CSMD2: variants seen among roughly 807,000 people sequenced by gnomAD.
CSMD2 encodes CUB and Sushi multiple domains 2.
CSMD2 carries 130 observed loss-of-function variants against 398.5 expected under a neutral mutation model. That is an observed-to-expected ratio of 0.33 (90% CI 0.28 to 0.38). CSMD2 has a LOEUF of 0.38. Ranked by LOEUF, CSMD2 falls within the 10% of genes least tolerant of loss-of-function variation. CSMD2 has a pLI of 1.00. For synonymous variants in CSMD2, 1,828 were observed against 1,908.5 expected, an observed-to-expected ratio of 0.96 and a Z score of 1.10; for missense variants, 3,829 against 4,764.9, an observed-to-expected ratio of 0.80 and a Z score of 5.78.
At chr1:33,517,931 C>T (rs1653910115) in intron 70 of CSMD2, among the ~76,000 whole-genome samples, 2 of 152,260 alleles carry the variant, frequency 1.3e-5, no homozygotes, top group African/African-American at 4.8e-5. Flanking sequence ...CTGTTGGTGG[C>T]CTTTGCAGGC....
At chr1:33,924,484 T>C (rs1644056256) in intron 4 of CSMD2, among the ~76,000 whole-genome samples, 1 of 152,222 alleles carries the variant, frequency 6.6e-6, no homozygotes, top group South Asian at 2.1e-4. Flanking sequence ...CTGTTATGAA[T>C]TGTGTTTCAG....
rs557306875 is a variant in CSMD2, at chr1:34,093,666, A to G, written c.188-4473T>C. ...TGGAAGAAAGGGTATCAGCAATGGA[A>G]GATGAAATGAATGAAATGAAGTGAG... On this transcript the variant is annotated intron_variant, in intron 1 of 70. Transcript: ENST00000373381. Among the ~76,000 whole-genome samples the G allele has an allele frequency of 5.9e-3, 895 of 152,010 alleles. 14 individuals are homozygous for G. The highest frequency in any genetic ancestry group is 0.021 in the African/African-American group (856 of 41,466).
intron 6 of CSMD2, among the ~76,000 whole-genome samples, chr1:33,831,765 C>G: frequency 6.6e-6 from 1 of 151,814 alleles, no homozygotes; most frequent in Non-Finnish European, 1.5e-5. Context: ...TTCAGGAAAC[C>G]CATCTCACGT....
chr1:34,070,416 G>T (rs1473213606), intron 2 of CSMD2, among the ~76,000 whole-genome samples: 1 of 152,196 alleles, frequency 6.6e-6, no homozygotes, highest in Non-Finnish European at 1.5e-5. Flanking sequence ...GAGGGCACTG[G>T]CTCAGAGCAG....
At chr1:33,915,287 A>C (rs941218455) in intron 5 of CSMD2, among the ~76,000 whole-genome samples, 9 of 152,218 alleles carry the variant, frequency 5.9e-5, no homozygotes, top group African/African-American at 2.2e-4. Flanking sequence ...CAGCAGCATC[A>C]AATTTTTACA....
chr1:33,601,072 G>A lies in CSMD2; in HGVS notation c.6711-62C>T, dbSNP rs562867584. On this transcript the variant is annotated intron_variant, in intron 43 of 70. Transcript: ENST00000373381. ...TCACCATGGCTGCCTGCTCCACTTG[G>A]TGCCATCAGTGGCCTTAAGACAGAC... 7 of 1,604,032 alleles carry A rather than the reference G, an allele frequency of 4.4e-6. No individual in the cohort carries two copies. In the African/African-American group the frequency reaches 8.0e-5, roughly 18 times the overall value.
chr1:34,032,175 T>A (rs572358865), intron 3 of CSMD2, among the ~76,000 whole-genome samples: 1 of 152,310 alleles, frequency 6.6e-6, no homozygotes, highest in South Asian at 2.1e-4. Context: ...TAAAACTGAC[T>A]CTTGGCAGTC....
chr1:34,039,900 C>T (rs1251148489), intron 2 of CSMD2, among the ~76,000 whole-genome samples: 1 of 152,300 alleles, frequency 6.6e-6, no homozygotes, highest in African/African-American at 2.4e-5. Context: ...CACCTGTAAT[C>T]CCAGCACTTT....
chr1:33,777,816 A>G (rs1437358675), intron 12 of CSMD2, among the ~76,000 whole-genome samples: 1 of 152,114 alleles, frequency 6.6e-6, no homozygotes, highest in Non-Finnish European at 1.5e-5. Context: ...ATCTGTGATC[A>G]ATCTCACTCT....
Position 34,003,835 on chromosome 1 carries a change from G to A in CSMD2, c.517+28759C>T, listed in dbSNP as rs75672312. 9.5e-3 allele frequency among the ~76,000 whole-genome samples: 1,454 copies of A among 152,326 alleles called. 21 individuals carry two copies. The highest frequency in any genetic ancestry group is 0.033 in the African/African-American group (1,391 of 41,584). ...TGGTAAAAGTCAAGTCTCAGATTGA[G>A]CTTTAGATGGAAGAAGTCTTGGTCC... On this transcript the variant is annotated intron_variant, in intron 3 of 70. Transcript: ENST00000373381.
chr1:33,557,617 G>GACACACACACACAC (rs10579079), intron 55 of CSMD2, 117 bp downstream of exon 55: 34 of 661,354 alleles, frequency 5.1e-5, no homozygotes, highest in African/African-American at 2.6e-4. Context: ...TACATGTGCA[G>GACACACACACACAC]ACACACACAC....
intron 49 of CSMD2, among the ~76,000 whole-genome samples, chr1:33,575,547 T>C (rs1659993347): frequency 6.6e-6 from 1 of 151,820 alleles, no homozygotes; most frequent in Admixed American, 6.6e-5. Context: ...AGGGCATCAG[T>C]GGGAGGCAAG....
chr1:33,904,295 AG>A (rs1642941053), intron 5 of CSMD2, among the ~76,000 whole-genome samples: 1 of 152,202 alleles, frequency 6.6e-6, no homozygotes, highest in Non-Finnish European at 1.5e-5. Context: ...CAGATGTGGG[AG>A]GTCGTGGAGA....
At chr1:33,809,280 C>A (rs1395284861) in intron 10 of CSMD2, among the ~76,000 whole-genome samples, 2 of 50,056 alleles carry the variant, frequency 4.0e-5, no homozygotes, top group East Asian at 2.6e-3. Context: ...AATTACTAAA[C>A]AATATATAGG....
In CSMD2 at chr1:33,537,013, C is replaced by T; in HGVS notation, c.9879+9G>A. The stretch of plus-strand genomic sequence containing the variant: ...TGTAGGAAGACCCTATCTTGGCTGA[C>T]CTCCTTACCTGGTAGCCCTGAGAAT... On this transcript the variant is annotated intron_variant, in intron 62 of 70. Coordinates refer to ENST00000373381, the MANE Select transcript of CSMD2 (RefSeq NM_001281956.2). This position sits in a 1 kb window ranked among gnomAD's most constrained non-coding sequence, Gnocchi z 4.6. 1 of 1,614,004 alleles carries T rather than the reference C, an allele frequency of 6.2e-7. No homozygotes were observed.
intron 25 of CSMD2, among the ~76,000 whole-genome samples, chr1:33,686,531 C>A (rs1048794731): frequency 6.6e-6 from 1 of 152,226 alleles, no homozygotes. Context: ...TCACACACAT[C>A]CAGGCAGGAC....
chr1:33,532,796 T>C (rs999645769), intron 64 of CSMD2, among the ~76,000 whole-genome samples: 2 of 152,240 alleles, frequency 1.3e-5, no homozygotes, highest in African/African-American at 2.4e-5. Flanking sequence ...CACTTTCCTC[T>C]GCCTGATGAT....
chr1:33,850,162 A>G (rs1638597705), intron 5 of CSMD2, among the ~76,000 whole-genome samples: 1 of 152,016 alleles, frequency 6.6e-6, no homozygotes, highest in Non-Finnish European at 1.5e-5. Context: ...CTTTGAACAA[A>G]TGTCACCTTC....
chr1:33,695,212 A>C (rs1274953283), intron 24 of CSMD2, among the ~76,000 whole-genome samples: 3 of 152,046 alleles, frequency 2.0e-5, no homozygotes, highest in African/African-American at 7.2e-5. Flanking sequence ...CTGGGGTATG[A>C]GATAGGGAGA....
Sources: allele counts gnomAD v4.1 joint callset (sites outside exome capture counted in the v4.1 genomes callset), GRCh38; gene constraint gnomAD v4.1.1; non-coding constraint Gnocchi (gnomAD v3.1); transcripts MANE v1.5; gene names NCBI Gene and HGNC (gene_info 2026-07-23, HGNC 2026-07-21).